The following AKR7A3 variants were observed in gnomAD, a reference collection of about 807,000 sequenced individuals.
AKR7A3 encodes the protein AFB1 aldehyde reductase 2.
In AKR7A3, 37 loss-of-function variants were observed where a neutral mutation model predicts 32.5. The ratio of observed to expected loss-of-function variants is 1.14; its 90% CI spans 0.88 to 1.50. The LOEUF (loss-of-function observed/expected upper bound fraction) is 1.50. Among genes scored for constraint, AKR7A3 ranks in the 40% most tolerant of loss-of-function variants. The pLI is 0.00. For missense variants in AKR7A3, 412 were observed against 453.2 expected (o/e 0.91, Z 0.83); for synonymous variants, 177 against 188.4 (o/e 0.94, Z 0.50).
chr1:19,280,978 T>C (rs1391298695), downstream of AKR7A3, among the ~76,000 whole-genome samples: 5 of 151,956 alleles, frequency 3.3e-5, no homozygotes, highest in Middle Eastern at 3.2e-3. Context: ...CATTGATTTA[T>C]GTCTAGCCTT....
At chr1:19,284,987 GC>G in intron 4 of AKR7A3, 30 bp downstream of exon 4, 2 of 1,611,754 alleles carry the variant, frequency 1.2e-6, no homozygotes, top group Non-Finnish European at 1.7e-6. Context: ...TCGGGAATAG[GC>G]TGAGACAGGG....
chr1:19,287,644 C>G (rs2151982944), intron 1 of AKR7A3, among the ~76,000 whole-genome samples: 1 of 152,114 alleles, frequency 6.6e-6, no homozygotes, highest in East Asian at 1.9e-4. Context: ...CCTCCTCCAG[C>G]ACCCGCGGCA....
Position 19,284,768 on chromosome 1 carries a change from T to C in AKR7A3, c.622A>G (p.Lys208Glu), listed in dbSNP as rs778282654. ...NPLAGGLLTGKYKYEDKNGKQ... is the reference protein window; with the variant it reads ...NPLAGGLLTGEYKYEDKNGKQ... ...CCATTCTTGTCCTCATACTTGTACT[T>C]GCCGGTCAGCAGGCCCCCTGAGGGA... Residue 208 changes from lysine (K) to glutamate (E), a missense_variant, in exon 5 of 7, where the codon AAG (lysine) becomes GAG (glutamate). Coordinates refer to ENST00000361640, the MANE Select transcript of AKR7A3 (RefSeq NM_012067.3). 5 of 1,613,892 alleles carry C rather than the reference T, an allele frequency of 3.1e-6. No homozygotes were observed. In the Admixed American group the frequency reaches 6.7e-5, roughly 22 times the overall value.
intron 4 of AKR7A3, 75 bp downstream of exon 4, chr1:19,284,943 T>C (rs1259660774): frequency 9.3e-6 from 15 of 1,605,390 alleles, no homozygotes; most frequent in Middle Eastern, 2.1e-4. Context: ...CAAACCCTCC[T>C]TGCTTCCCAG....
In AKR7A3 at chr1:19,288,748, C is replaced by G; in HGVS notation, c.-39G>C. ...GGAGACTGTGACAGCCCAGGAGCCGCGCGCAGCGGTCGGAAGCACCAGGCT... is the reference window on the plus strand; with the variant it reads ...GGAGACTGTGACAGCCCAGGAGCCGGGCGCAGCGGTCGGAAGCACCAGGCT... On this transcript the variant is annotated 5_prime_UTR_variant, in exon 1 of 7. Transcript: ENST00000361640. The G allele has an allele frequency of 2.8e-6, 4 of 1,420,060 alleles. No individual in the cohort carries two copies. Among genetic ancestry groups the G allele is most frequent in the Non-Finnish European group, 3.7e-6 (4 of 1,091,254 alleles). The allele number at this position is 1,420,060 out of a possible 1,614,324, so 88.0% of individuals were successfully genotyped here. A position where few individuals can be genotyped will look rare whatever the true frequency, so the allele number is the denominator to read the frequency against.
chr1:19,288,174 C>T (rs1002860750), intron 1 of AKR7A3, among the ~76,000 whole-genome samples: 11 of 152,148 alleles, frequency 7.2e-5, no homozygotes, highest in African/African-American at 2.4e-4. Flanking sequence ...AATGCCAGAT[C>T]CCAGTGTTTT....
the AKR7A3 span, among the ~76,000 whole-genome samples, chr1:19,275,130 G>A: frequency 7.3e-5 from 11 of 151,660 alleles, no homozygotes; most frequent in East Asian, 1.9e-4. Context: ...AAAAAGATGC[G>A]CCAGGCGGAG....
At chr1:19,287,069 G>A (rs7525791) in intron 1 of AKR7A3, among the ~76,000 whole-genome samples, 57,088 of 151,616 alleles carry the variant, frequency 0.38, 11,406 homozygotes, top group East Asian at 0.6. Context: ...CACTTTGGGA[G>A]GCCAGAGCAG....
At chr1:19,288,287 C>T (rs1443148754) in intron 1 of AKR7A3, among the ~76,000 whole-genome samples, 1 of 146,190 alleles carries the variant, frequency 6.8e-6, no homozygotes, top group Non-Finnish European at 1.5e-5. Flanking sequence ...GAGAGACGAA[C>T]AGAAGAGAAG....
At chr1:19,278,082 G>C (rs969362825), downstream of AKR7A3, among the ~76,000 whole-genome samples, 1 of 151,826 alleles carries the variant, frequency 6.6e-6, no homozygotes, top group Non-Finnish European at 1.5e-5. Context: ...TCTTCTAAGA[G>C]TTTTACAGTT....
At chr1:19,283,657 C>T (rs1366963912) in intron 6 of AKR7A3, among the ~76,000 whole-genome samples, 1 of 151,900 alleles carries the variant, frequency 6.6e-6, no homozygotes, top group African/African-American at 2.4e-5. Flanking sequence ...TGGTGAAACC[C>T]TGTCTCTACT....
In AKR7A3 at chr1:19,282,785, G is replaced by A. The variant is rs1307349224; in HGVS notation, c.942C>T (p.Ala314=). 1.1e-5 allele frequency: 18 copies of A among 1,613,652 alleles called. No individual in the cohort carries two copies. Among genetic ancestry groups the A allele is most frequent in the Non-Finnish European group, 1.5e-5 (18 of 1,180,022 alleles). ...TAACCAAATGCCAGGCTTGATTAAA[G>A]GCGTCCACGACAGCCGGCTCCAGGG... ...EGPLEPAVVD[A]FNQAWHLVTH... The change falls in exon 7 of 7, where the codon GCC becomes GCT. Residue 314 remains alanine, a synonymous_variant. Coordinates refer to ENST00000361640, the MANE Select transcript of AKR7A3 (RefSeq NM_012067.3).
At chr1:19,285,387 A>G (rs931480729) in intron 3 of AKR7A3, among the ~76,000 whole-genome samples, 2 of 151,898 alleles carry the variant, frequency 1.3e-5, no homozygotes, top group Non-Finnish European at 2.9e-5. Context: ...AGGTTTTATA[A>G]TAAGGTCAAG....
Position 19,285,134 on chromosome 1 carries a change from G to T in AKR7A3, c.508-20C>A. On this transcript the variant is annotated intron_variant, in intron 3 of 6. Transcript: ENST00000361640. ...CATGCCCTGTAAGGAGAGGGGCCCC[G>T]GGGGAGAGGGTGGATGTGTCAAAAG... The T allele has an allele frequency of 6.2e-7, 1 of 1,611,800 alleles. No homozygotes were observed. The highest frequency in any genetic ancestry group is 8.5e-7 in the Non-Finnish European group (1 of 1,178,408).
In AKR7A3 at chr1:19,282,816, T is replaced by C; in HGVS notation, c.911A>G (p.Glu304Gly). 1 of 1,613,272 alleles carries C rather than the reference T, an allele frequency of 6.2e-7. No individual in the cohort carries two copies. ...CACGACAGCCGGCTCCAGGGGCCCTTCCTCTGCCGCTGCCAAGTTCTGCTC... is the reference window on the plus strand; with the variant it reads ...CACGACAGCCGGCTCCAGGGGCCCTCCCTCTGCCGCTGCCAAGTTCTGCTC... ...QLEQNLAAAEEGPLEPAVVDA... is the reference protein window; with the variant it reads ...QLEQNLAAAEGGPLEPAVVDA... The change falls in exon 7 of 7, where the codon GAA becomes GGA. Residue 304 changes from glutamate to glycine, a missense_variant. By Grantham distance (98) the Glu-to-Gly change is moderately conservative. Transcript: ENST00000361640.
chr1:19,288,347 C>G (rs1406451674), intron 1 of AKR7A3, 149 bp downstream of exon 1: 1 of 1,010,640 alleles, frequency 9.9e-7, no homozygotes, highest in Admixed American at 2.8e-5. Flanking sequence ...GCCTGGTGTT[C>G]CCAAGGCTGC....
chr1:19,281,927 C>T (rs1229896186), downstream of AKR7A3, among the ~76,000 whole-genome samples: 2 of 151,932 alleles, frequency 1.3e-5, no homozygotes, highest in East Asian at 1.9e-4. Flanking sequence ...TTACCCAGTA[C>T]GGGTACCACC....
Position 19,284,130 on chromosome 1 carries a change from G to A in AKR7A3, c.705-5C>T, listed in dbSNP as rs759171776. 2 of 1,608,104 alleles carry A rather than the reference G, an allele frequency of 1.2e-6. 1 individual carries two copies. The highest frequency in any genetic ancestry group is 2.7e-5 in the African/African-American group (2 of 74,410). ...AAGTGGTGCTCCTTCCAGTAGCTGG[G>A]AAGGGGGGACGGTGGCACAGGTGTC... On this transcript the variant is annotated splice_region_variant and splice_polypyrimidine_tract_variant and intron_variant, in intron 5 of 6. Coordinates refer to ENST00000361640, the MANE Select transcript of AKR7A3 (RefSeq NM_012067.3).
the AKR7A3 span, among the ~76,000 whole-genome samples, chr1:19,275,822 A>G: frequency 0.13 from 19,433 of 151,750 alleles, 1,913 homozygotes; most frequent in African/African-American, 0.25. Context: ...CAACAAAAAC[A>G]ACAACAAGAA....
Sources: gnomAD v4.1 joint callset for allele counts (sites outside exome capture counted in the v4.1 genomes callset) on GRCh38, gnomAD v4.1.1 for gene constraint, MANE v1.5 for transcripts, NCBI Gene and HGNC (gene_info 2026-07-23, HGNC 2026-07-21) for gene names.